ALDH9A1: variants seen among roughly 807,000 people sequenced by gnomAD.
ALDH9A1 encodes 4-trimethylaminobutyraldehyde dehydrogenase.
A neutral mutation model predicts 56.6 loss-of-function variants in ALDH9A1; 42 were observed. The observed-to-expected ratio is 0.74, with a 90% CI of 0.58 to 0.96. The LOEUF is 0.96. Ranked by LOEUF, ALDH9A1 falls within the 40% of genes least tolerant of loss-of-function variation. The pLI is 0.00. For missense variants in ALDH9A1, 661 were observed against 651.5 expected, an observed-to-expected ratio of 1.01 and a Z score of -0.16; for synonymous variants, 242 against 236.0, an observed-to-expected ratio of 1.03 and a Z score of -0.23.
intron 2 of ALDH9A1, among the ~76,000 whole-genome samples, chr1:165,686,784 T>C (rs1649722802): frequency 6.6e-6 from 1 of 152,164 alleles, no homozygotes. Flanking sequence ...TGTGCCCTAG[T>C]GATTCACTAG....
chr1:165,682,475 C>G (rs1425694375), intron 3 of ALDH9A1, among the ~76,000 whole-genome samples: 1 of 152,156 alleles, frequency 6.6e-6, no homozygotes, highest in African/African-American at 2.4e-5. Context: ...GTTCATCTAA[C>G]TTGATTTTAC....
chr1:165,691,698 T>C (rs139764934), intron 2 of ALDH9A1, among the ~76,000 whole-genome samples: 1 of 152,240 alleles, frequency 6.6e-6, no homozygotes, highest in African/African-American at 2.4e-5. Flanking sequence ...TTCCAATCAT[T>C]AGAAAAAGAG....
At chr1:165,677,673 A>G (rs1649406673) in intron 6 of ALDH9A1, among the ~76,000 whole-genome samples, 1 of 152,014 alleles carries the variant, frequency 6.6e-6, no homozygotes, top group South Asian at 2.1e-4. Flanking sequence ...CCTGGCTAAC[A>G]TGGTAAAACC....
At chr1:165,691,341 A>G (rs985437671) in intron 2 of ALDH9A1, among the ~76,000 whole-genome samples, 2 of 152,252 alleles carry the variant, frequency 1.3e-5, no homozygotes, top group African/African-American at 4.8e-5. Flanking sequence ...TAGCATCAAC[A>G]TCAACAAAAA....
chr1:165,684,207 T>C (rs995108675), intron 2 of ALDH9A1, among the ~76,000 whole-genome samples: 2 of 152,186 alleles, frequency 1.3e-5, no homozygotes, highest in African/African-American at 4.8e-5. Context: ...CTTTGACTCA[T>C]TCATTCTACA....
chr1:165,695,643 A>C (rs1256255847), intron 1 of ALDH9A1, among the ~76,000 whole-genome samples: 1 of 147,828 alleles, frequency 6.8e-6, no homozygotes, highest in Non-Finnish European at 1.5e-5. Context: ...CTACCAGTGC[A>C]CGCCACTACG....
intron 2 of ALDH9A1, among the ~76,000 whole-genome samples, chr1:165,692,196 A>T (rs989150456): frequency 1.3e-5 from 2 of 152,234 alleles, no homozygotes; most frequent in Non-Finnish European, 2.9e-5. Flanking sequence ...CCTATTCAAC[A>T]TAGTGTTGGA....
intron 2 of ALDH9A1, 50 bp downstream of exon 2, chr1:165,695,202 A>G (rs756879094): frequency 6.6e-7 from 1 of 1,523,004 alleles, no homozygotes; most frequent in Admixed American, 2.3e-5. Flanking sequence ...CATCACAAAG[A>G]AACCTCAGAG....
At chr1:165,664,298 C>G (rs913960778) in intron 10 of ALDH9A1, among the ~76,000 whole-genome samples, 1 of 152,168 alleles carries the variant, frequency 6.6e-6, no homozygotes, top group Non-Finnish European at 1.5e-5. Flanking sequence ...AATTTTCACT[C>G]TAGAAGAACA....
chr1:165,694,815 G>A (rs1434932118), intron 2 of ALDH9A1, among the ~76,000 whole-genome samples: 1 of 151,992 alleles, frequency 6.6e-6, no homozygotes, highest in Non-Finnish European at 1.5e-5. Context: ...AATTAGCCAG[G>A]CATGGTGGCA....
At chr1:165,686,282 C>T (rs1649704654) in intron 2 of ALDH9A1, among the ~76,000 whole-genome samples, 2 of 152,054 alleles carry the variant, frequency 1.3e-5, no homozygotes, top group African/African-American at 4.8e-5. Context: ...GTTTTCAGGC[C>T]ACAGAGCAGG....
In ALDH9A1 at chr1:165,663,207, T is replaced by C. The variant is rs1648900287; in HGVS notation, c.1463-63A>G. ...ACAATAGTCTGAAAAGTCACAATGATCTTCAAAGATGAGCACTGCTAATCA... is the reference window on the plus strand; with the variant it reads ...ACAATAGTCTGAAAAGTCACAATGACCTTCAAAGATGAGCACTGCTAATCA... On this transcript the variant is annotated intron_variant, in intron 10 of 10. Coordinates refer to ENST00000354775, the MANE Select transcript of ALDH9A1 (RefSeq NM_000696.4). 5 of 1,333,850 alleles carry C rather than the reference T, an allele frequency of 3.7e-6. No individual in the cohort carries two copies. In the Admixed American group the frequency reaches 6.7e-5, roughly 18 times the overall value. The allele number at this position is 1,333,850 out of a possible 1,614,324, so 82.6% of individuals were successfully genotyped here.
At chr1:165,695,487 CTT>C (rs34894576) in intron 1 of ALDH9A1, 90 bp from the exon 2 acceptor site, 15,992 of 333,416 alleles carry the variant, frequency 0.048, 1 homozygote, top group Non-Finnish European at 0.059. Context: ...TAGTAGTAGT[CTT>C]TTTTTTTTTT....
chr1:165,667,246 T>C, intron 9 of ALDH9A1, 63 bp downstream of exon 9: 2 of 1,594,422 alleles, frequency 1.3e-6, no homozygotes, highest in Admixed American at 1.7e-5. Context: ...ATCAATTAAA[T>C]ATCTAAGCAG....
At chr1:165,668,445 C>T (rs1315735306) in intron 8 of ALDH9A1, among the ~76,000 whole-genome samples, 1 of 152,174 alleles carries the variant, frequency 6.6e-6, no homozygotes, top group African/African-American at 2.4e-5. Context: ...TCCACCATGA[C>T]TGAAATCTTC....
intron 3 of ALDH9A1, 104 bp from the exon 4 acceptor site, chr1:165,682,345 C>G: frequency 7.9e-7 from 1 of 1,261,398 alleles, no homozygotes. Flanking sequence ...GCAGCCTCCC[C>G]ACTTCTCCCA....
At chr1:165,686,633 T>C (rs1041328634) in intron 2 of ALDH9A1, among the ~76,000 whole-genome samples, 1 of 152,070 alleles carries the variant, frequency 6.6e-6, no homozygotes, top group Non-Finnish European at 1.5e-5. Flanking sequence ...CAGAAGGGTA[T>C]TGAATAACAT....
chr1:165,669,348 G>A lies in ALDH9A1; in HGVS notation c.1033C>T (p.Leu345Phe), dbSNP rs542201374. The A allele has an allele frequency of 1.2e-6, 2 of 1,614,008 alleles. No individual in the cohort carries two copies. The highest frequency in any genetic ancestry group is 1.7e-6 in the Non-Finnish European group (2 of 1,179,948). ...GGACCCATCCTTGTATCTTCCAGAA[G>A]GGGATCTCCAATTTTAATCCTTTGG... ...QTQRIKIGDP[L>F]LEDTRMGPLI... Residue 345 changes from leucine (L) to phenylalanine (F), a missense_variant, in exon 7 of 11, where the codon CTT (leucine) becomes TTT (phenylalanine). By Grantham distance (22) the Leu-to-Phe change is conservative. Coordinates refer to ENST00000354775, the MANE Select transcript of ALDH9A1 (RefSeq NM_000696.4).
chr1:165,676,792 T>C, intron 6 of ALDH9A1: 1 of 462,544 alleles, frequency 2.2e-6, no homozygotes, highest in Middle Eastern at 5.5e-4. Flanking sequence ...ATGATAGGTA[T>C]AAAAAAATAA....
Sources: allele counts gnomAD v4.1 joint callset (sites outside exome capture counted in the v4.1 genomes callset), GRCh38; gene constraint gnomAD v4.1.1; transcripts MANE v1.5; gene names NCBI Gene and HGNC (gene_info 2026-07-23, HGNC 2026-07-21).